Variants in FOLR1 observed in about 807,000 individuals in gnomAD.
FOLR1 encodes folate receptor alpha, also known as KB cells FBP.
In FOLR1, 11 loss-of-function variants were observed where a neutral mutation model predicts 22.8. The ratio of observed to expected loss-of-function variants is 0.48; its 90% CI spans 0.30 to 0.80. FOLR1 has a LOEUF of 0.80. Among genes scored for constraint, FOLR1 ranks in the 30% least tolerant of loss-of-function variants. The pLI, the probability that FOLR1 is intolerant of heterozygous loss-of-function variation, is 0.06. For synonymous variants in FOLR1, 108 were observed against 116.5 expected (o/e 0.93, Z 0.47); for missense variants, 273 against 320.3 (o/e 0.85, Z 1.13).
At chr11:72,189,943 T>A (rs1948134765), upstream of FOLR1, among the ~76,000 whole-genome samples, 1 of 152,062 alleles carries the variant, frequency 6.6e-6, no homozygotes, top group African/African-American at 2.4e-5. Context: ...TTAGTGTTCA[T>A]CCCCCTGAAC....
intron 2 of FOLR1, 33 bp from the exon 3 acceptor site, chr11:72,195,579 C>A (rs760166995): frequency 2.5e-6 from 4 of 1,614,096 alleles, no homozygotes; most frequent in Middle Eastern, 1.7e-4. Context: ...GATTCTTGAA[C>A]CTGAGCCCTT....
upstream of FOLR1, among the ~76,000 whole-genome samples, chr11:72,191,369 T>A (rs1237812434): frequency 6.6e-6 from 1 of 152,050 alleles, no homozygotes; most frequent in Non-Finnish European, 1.5e-5. Flanking sequence ...TATAAACTTT[T>A]TTTTTTTTTT....
At chr11:72,195,853 T>C (rs748722381) in intron 3 of FOLR1, 44 bp from the exon 4 acceptor site, 1 of 1,614,152 alleles carries the variant, frequency 6.2e-7, no homozygotes, top group Non-Finnish European at 8.5e-7. Flanking sequence ...GACCTCAAGA[T>C]AGTTCCGGGC....
intron 1 of FOLR1, among the ~76,000 whole-genome samples, chr11:72,193,349 AGAAAG>A (rs1374309734): frequency 1.5e-4 from 23 of 151,520 alleles, no homozygotes; most frequent in Middle Eastern, 6.8e-3. Context: ...AACGAAAAAA[AGAAAG>A]AAAGGAAGGA....
At chr11:72,191,133 G>A (rs1948150364), upstream of FOLR1, among the ~76,000 whole-genome samples, 1 of 152,182 alleles carries the variant, frequency 6.6e-6, no homozygotes, top group African/African-American at 2.4e-5. Context: ...AGCCAGCTCT[G>A]TGGTAGGGGG....
At chr11:72,194,183 T>C (rs988354868) in intron 1 of FOLR1, among the ~76,000 whole-genome samples, 3 of 152,234 alleles carry the variant, frequency 2.0e-5, no homozygotes, top group African/African-American at 7.2e-5. Context: ...TCCTGAATTT[T>C]GCAGCCATCA....
chr11:72,195,557 C>T, intron 2 of FOLR1, 55 bp from the exon 3 acceptor site: 2 of 1,613,698 alleles, frequency 1.2e-6, no homozygotes, highest in Admixed American at 3.3e-5. Context: ...CTATTCGGGG[C>T]TGAGTTGCTG....
In FOLR1 at chr11:72,192,215, G is replaced by T; in HGVS notation, c.42G>T (p.Val14=). 1 of 1,614,184 alleles carries T rather than the reference G, an allele frequency of 6.2e-7. No individual in the cohort carries two copies. Among genetic ancestry groups the T allele is most frequent in the Non-Finnish European group, 8.5e-7 (1 of 1,180,042 alleles). The change falls in exon 1 of 4, where the codon GTG becomes GTT. Residue 14 remains valine, a synonymous_variant. Coordinates refer to ENST00000393676, the MANE Select transcript of FOLR1 (RefSeq NM_016729.3). ...CAACACAGCTGCTGCTCCTTCTAGT[G>T]TGGGTGGCTGTAGTAGGGGAGGCTC... ...RMTTQLLLLL[V]WVAVVGEAQT...
chr11:72,192,105 A>T, upstream of FOLR1: 1 of 1,583,376 alleles, frequency 6.3e-7, no homozygotes, highest in Admixed American at 1.7e-5. Flanking sequence ...GGAGCCCTGC[A>T]CACAACTTAA....
rs371565364 is a variant in FOLR1, at chr11:72,192,186, A to G, written c.13A>G (p.Met5Val). MAQR[M>V]TTQLLLLLVW... ...TTCAGGGACAGACATGGCTCAGCGGATGACAACACAGCTGCTGCTCCTTCT... is the reference window on the plus strand; with the variant it reads ...TTCAGGGACAGACATGGCTCAGCGGGTGACAACACAGCTGCTGCTCCTTCT... The change falls in exon 1 of 4, where the codon ATG becomes GTG. Residue 5 changes from methionine (M) to valine (V), a missense_variant. Coordinates refer to ENST00000393676, the MANE Select transcript of FOLR1 (RefSeq NM_016729.3). The G allele has an allele frequency of 2.2e-5, 35 of 1,614,154 alleles. No individual in the cohort carries two copies. The highest frequency in any genetic ancestry group is 1.6e-4 in the East Asian group (7 of 44,878).
intron 1 of FOLR1, among the ~76,000 whole-genome samples, chr11:72,193,495 G>A (rs1169968714): frequency 1.3e-5 from 2 of 151,860 alleles, no homozygotes; most frequent in African/African-American, 4.8e-5. Flanking sequence ...TGCCCAGGGT[G>A]GAGTGCAGTG....
chr11:72,192,423 A>G (rs1027089784), intron 1 of FOLR1, 82 bp downstream of exon 1: 2 of 1,468,162 alleles, frequency 1.4e-6, no homozygotes, highest in African/African-American at 2.8e-5. Context: ...AACCCCATTC[A>G]CTGGTGAACT....
At chr11:72,193,235 G>A (rs1354318528) in intron 1 of FOLR1, among the ~76,000 whole-genome samples, 5 of 152,074 alleles carry the variant, frequency 3.3e-5, no homozygotes, top group Admixed American at 3.3e-4. Context: ...TACTCAGGAG[G>A]CTGAGGTGGG....
chr11:72,191,484 T>G (rs1219986858), upstream of FOLR1, among the ~76,000 whole-genome samples: 1 of 151,976 alleles, frequency 6.6e-6, no homozygotes, highest in Non-Finnish European at 1.5e-5. Flanking sequence ...TGCCTCAGCC[T>G]CCCACGTAGC....
chr11:72,193,377 A>AAGGAAAGGGAGGGAGGAAAGGGAGGG (rs1195000883), intron 1 of FOLR1, among the ~76,000 whole-genome samples: 3 of 145,666 alleles, frequency 2.1e-5, no homozygotes, highest in Non-Finnish European at 4.5e-5. Context: ...GAAGGGGAGG[A>AAGGAAAGGGAGGGAGGAAAGGGAGGG]AGGAAAGGGA....
chr11:72,193,752 G>A (rs546381479), intron 1 of FOLR1, among the ~76,000 whole-genome samples: 78 of 150,340 alleles, frequency 5.2e-4, no homozygotes, highest in South Asian at 2.1e-4. Context: ...GAGCCACTGC[G>A]CCCGGCCTTA....
chr11:72,195,489 C>T (rs958812683), intron 2 of FOLR1, 30 bp downstream of exon 2: 43 of 1,613,608 alleles, frequency 2.7e-5, no homozygotes, highest in Non-Finnish European at 3.5e-5. Flanking sequence ...GGTACAAGAC[C>T]TAGCGGAGCA....
chr11:72,192,347 C>T lies in FOLR1; in HGVS notation c.168+6C>T. 1 of 1,613,668 alleles carries T rather than the reference C, an allele frequency of 6.2e-7. No individual in the cohort carries two copies. Reference sequence around the variant, plus strand: ...AGGACAAGTTGCATGAGCAGGTGGGCCAGGGGGTGATCTGGGGTGGTGAGG... The same window carrying T: ...AGGACAAGTTGCATGAGCAGGTGGGTCAGGGGGTGATCTGGGGTGGTGAGG... On this transcript the variant is annotated splice_donor_region_variant and intron_variant, in intron 1 of 3. Coordinates refer to ENST00000393676, the MANE Select transcript of FOLR1 (RefSeq NM_016729.3).
chr11:72,195,274 C>T lies in FOLR1; in HGVS notation c.172C>T (p.Arg58Ter), dbSNP rs763735285. 4.3e-6 allele frequency: 7 copies of T among 1,614,034 alleles called. No individual in the cohort carries two copies. Among genetic ancestry groups the T allele is most frequent in the South Asian group, 1.1e-5 (1 of 91,056 alleles). Residue 58 changes from arginine to a stop codon, truncating the protein, a stop_gained, in exon 2 of 4, where the codon CGA (arginine) becomes TGA (stop). Coordinates refer to ENST00000393676, the MANE Select transcript of FOLR1 (RefSeq NM_016729.3). LOFTEE classifies it high-confidence loss of function. ...GPEDKLHEQC[R>*]PWRKNACCST... ...TCCTCTGTCTTCCCCCATCCAGTGTCGACCCTGGAGGAAGAATGCCTGCTG... is the reference window on the plus strand; with the variant it reads ...TCCTCTGTCTTCCCCCATCCAGTGTTGACCCTGGAGGAAGAATGCCTGCTG...
Sources: allele counts gnomAD v4.1 joint callset (sites outside exome capture counted in the v4.1 genomes callset), GRCh38; gene constraint gnomAD v4.1.1; transcripts MANE v1.5; gene names NCBI Gene and HGNC (gene_info 2026-07-23, HGNC 2026-07-21).